The following TMPRSS9 variants were observed in gnomAD, a reference collection of about 807,000 sequenced individuals.
TMPRSS9 encodes the protein transmembrane serine protease 9.
TMPRSS9 carries 113 observed loss-of-function variants against 111.4 expected under a neutral mutation model. The observed-to-expected ratio is 1.01, with a 90% CI of 0.87 to 1.19. The LOEUF (loss-of-function observed/expected upper bound fraction) is 1.19, where lower values mean the gene tolerates loss of function less well. Ranked by LOEUF, TMPRSS9 falls within the 50% of genes most tolerant of loss-of-function variation. The pLI is 0.00. For missense variants in TMPRSS9, 1,803 were observed against 1,513.1 expected (o/e 1.19, Z -3.18); for synonymous variants, 805 against 659.1 (o/e 1.22, Z -3.39).
At chr19:2,397,241 A>G (rs1970729808) in intron 2 of TMPRSS9, among the ~76,000 whole-genome samples, 1 of 152,008 alleles carries the variant, frequency 6.6e-6, no homozygotes, top group Non-Finnish European at 1.5e-5. Flanking sequence ...AGAGTTTTAC[A>G]TTTTATTCTA....
At chr19:2,398,918 G>A in intron 3 of TMPRSS9, 56 bp downstream of exon 4, 1 of 1,531,058 alleles carries the variant, frequency 6.5e-7, no homozygotes, top group Non-Finnish European at 8.7e-7. Context: ...GGGAGTTTCT[G>A]GAGGAGTCCA....
intron 1 of TMPRSS9, among the ~76,000 whole-genome samples, 106 bp downstream of exon 1, chr19:2,360,466 G>A (rs893865668): frequency 1.3e-5 from 2 of 152,236 alleles, no homozygotes; most frequent in South Asian, 4.1e-4. Context: ...CTGGGGCTGT[G>A]TAGAGGTGGC....
chr19:2,407,435 G>A lies in TMPRSS9; in HGVS notation c.843-921G>A, dbSNP rs183389314. Among the ~76,000 whole-genome samples, 617 of 151,454 alleles carry A rather than the reference G, an allele frequency of 4.1e-3. 4 individuals carry two copies. The highest frequency in any genetic ancestry group is 7.3e-3 in the Non-Finnish European group (498 of 67,902). ...CCAGTTACTTGGGAGGCTGAGGCAC[G>A]AGGATCACTTGAACCCGGGAGGTGG... is the stretch of plus-strand genomic sequence containing the variant. On this transcript the variant is annotated intron_variant, in intron 7 of 17. Transcript: ENST00000648592.
chr19:2,396,808 CA>C (rs1476490578), intron 2 of TMPRSS9, 142 bp downstream of exon 3: 5 of 1,271,154 alleles, frequency 3.9e-6, no homozygotes, highest in South Asian at 1.5e-5. Context: ...GAGGCCAGGC[CA>C]GGGGGCGGGC....
At chr19:2,416,462 G>A in intron 11 of TMPRSS9, 76 bp from the exon 13 acceptor site, 1 of 1,526,478 alleles carries the variant, frequency 6.6e-7, no homozygotes, top group Non-Finnish European at 8.8e-7. Context: ...CTGGGGGTGT[G>A]CATCAGCCCT....
At chr19:2,368,439 A>T (rs1970263583) in intron 1 of TMPRSS9, among the ~76,000 whole-genome samples, 1 of 152,030 alleles carries the variant, frequency 6.6e-6, no homozygotes. Flanking sequence ...CATGCTGTGC[A>T]TGTTTGGGGA....
exon 16 of TMPRSS9, chr19:2,425,193 TGCCCGA>T (rs1476104501): frequency 1.5e-5 from 23 of 1,531,776 alleles, no homozygotes; most frequent in African/African-American, 2.8e-5. Flanking sequence ...CCCATCTGCC[TGCCCGA>T]GCCCGCGCCG....
chr19:2,421,987 G>T, exon 14 of TMPRSS9: 1 of 1,613,138 alleles, frequency 6.2e-7, no homozygotes. Flanking sequence ...AGGCTAAAGG[G>T]CTGGATCCTG....
chr19:2,374,523 G>T (rs566101846), intron 1 of TMPRSS9, among the ~76,000 whole-genome samples: 1 of 151,818 alleles, frequency 6.6e-6, no homozygotes, highest in Non-Finnish European at 1.5e-5. Flanking sequence ...GCAGTGAGCC[G>T]AGATCGCGCC....
At chr19:2,385,190 G>GA (rs1316195865), upstream of TMPRSS9, among the ~76,000 whole-genome samples, 3 of 125,696 alleles carry the variant, frequency 2.4e-5, no homozygotes, top group South Asian at 2.8e-4. Flanking sequence ...GGGGCTCGCG[G>GA]GGGCGGGGCT....
chr19:2,372,923 G>T (rs1978143), intron 1 of TMPRSS9, among the ~76,000 whole-genome samples: 16 of 152,012 alleles, frequency 1.1e-4, no homozygotes, highest in African/African-American at 2.9e-4. Flanking sequence ...CCTTGACCTC[G>T]TGGGGACAAG....
At chr19:2,416,782 G>C in exon 12 of TMPRSS9, 1 of 1,611,622 alleles carries the variant, frequency 6.2e-7, no homozygotes, top group Non-Finnish European at 8.5e-7. Context: ...CATGATCTCC[G>C]GATGGGGAAA....
intron 1 of TMPRSS9, among the ~76,000 whole-genome samples, chr19:2,367,717 C>G (rs577165230): frequency 6.6e-6 from 1 of 152,290 alleles, no homozygotes; most frequent in African/African-American, 2.4e-5. Flanking sequence ...TCACCTGCCA[C>G]CATGCCTGGC....
intron 1 of TMPRSS9, among the ~76,000 whole-genome samples, chr19:2,391,395 A>ATTTT (rs1568175757): frequency 6.9e-6 from 1 of 145,424 alleles, no homozygotes. Flanking sequence ...TTTTTAAAAA[A>ATTTT]TATTTGTGGA....
chr19:2,398,731 C>T, intron 2 of TMPRSS9, 64 bp from the exon 4 acceptor site: 3 of 1,213,004 alleles, frequency 2.5e-6, no homozygotes, highest in South Asian at 1.3e-5. Flanking sequence ...CCTGACAGGC[C>T]TCTGCAGTGC....
intron 8 of TMPRSS9, 21 bp from the exon 10 acceptor site, chr19:2,410,237 T>C (rs776538327): frequency 1.9e-6 from 3 of 1,612,926 alleles, no homozygotes; most frequent in African/African-American, 1.3e-5. Context: ...TCACCCTGCT[T>C]TTCTCTCCCC....
At position 2,402,559 on chromosome 19, in the gene TMPRSS9, G is replaced by C. The variant is rs182033848; in HGVS notation, c.557-523G>C. On this transcript the variant is annotated intron_variant, in intron 5 of 17. Coordinates refer to ENST00000648592, the Ensembl canonical transcript of TMPRSS9. ...GTTCGAGACCAGCCTGACCAACATG[G>C]AGAAACCCCATCTCACTAAAAATAC... 3.0e-3 allele frequency among the ~76,000 whole-genome samples: 460 copies of C among 152,064 alleles called. 9 individuals are homozygous for C. The highest frequency in any genetic ancestry group is 0.026 in the Admixed American group (392 of 15,242).
chr19:2,407,608 C>CTTTTCTTT (rs1599301337), intron 7 of TMPRSS9, among the ~76,000 whole-genome samples: 1 of 98,404 alleles, frequency 1.0e-5, no homozygotes, highest in Admixed American at 1.1e-4. Context: ...CTTTTCTTTT[C>CTTTTCTTT]TTTTTTTTTT....
At chr19:2,399,129 A>T (rs1970773196) in exon 4 of TMPRSS9, 1 of 1,613,624 alleles carries the variant, frequency 6.2e-7, no homozygotes, top group African/African-American at 1.3e-5. Context: ...GGATCCGGGC[A>T]AGGCTGCGGG....
Sources: allele counts gnomAD v4.1 joint callset (sites outside exome capture counted in the v4.1 genomes callset), GRCh38; gene constraint gnomAD v4.1.1; transcripts MANE v1.5; gene names NCBI Gene and HGNC (gene_info 2026-07-23, HGNC 2026-07-21).